The following ADGRB1 variants were observed in gnomAD, a reference collection of about 807,000 sequenced individuals.
ADGRB1 encodes adhesion G protein-coupled receptor B1.
In ADGRB1, 36 loss-of-function variants were observed where a neutral mutation model predicts 175.7. The ratio of observed to expected loss-of-function variants is 0.20; its 90% CI spans 0.16 to 0.27. The LOEUF (loss-of-function observed/expected upper bound fraction) is 0.27, where lower values mean the gene tolerates loss of function less well. ADGRB1 is among the 10% of genes least tolerant of loss of function. The pLI is 1.00. For missense variants in ADGRB1, 1,731 were observed against 2,255.3 expected (o/e 0.77, Z 4.71); for synonymous variants, 1,054 against 979.4 (o/e 1.08, Z -1.42).
intron 4 of ADGRB1, 51 bp downstream of exon 4, chr8:142,476,746 G>T (rs909275560): frequency 2.7e-6 from 4 of 1,463,968 alleles, no homozygotes; most frequent in Non-Finnish European, 3.7e-6. Context: ...GGAAAATACT[G>T]TAAGTTATCA....
At chr8:142,519,651 A>G (rs1309073716) in intron 19 of ADGRB1, among the ~76,000 whole-genome samples, 3 of 114,558 alleles carry the variant, frequency 2.6e-5, no homozygotes, top group African/African-American at 7.2e-5. Context: ...GCTGGTGATT[A>G]TGGTGATGAT....
At chr8:142,476,790 CATG>C in intron 4 of ADGRB1, 95 bp downstream of exon 4, 3 of 1,228,474 alleles carry the variant, frequency 2.4e-6, no homozygotes, top group Non-Finnish European at 3.4e-6. Flanking sequence ...ACTTGAATAA[CATG>C]CCATAACTAG....
chr8:142,484,958 GAC>G (rs1841585965), intron 13 of ADGRB1, among the ~76,000 whole-genome samples, 194 bp downstream of exon 13: 1 of 152,246 alleles, frequency 6.6e-6, no homozygotes, highest in Admixed American at 6.5e-5. Flanking sequence ...GAGGGGATGA[GAC>G]ACAGCCCACG....
intron 1 of ADGRB1, among the ~76,000 whole-genome samples, chr8:142,461,592 G>A (rs1045107695): frequency 5.3e-5 from 8 of 152,226 alleles, no homozygotes; most frequent in Non-Finnish European, 1.0e-4. Flanking sequence ...CCCAGCTCCT[G>A]TGCCTGCTCC....
intron 1 of ADGRB1, among the ~76,000 whole-genome samples, chr8:142,459,073 G>A (rs1475009247): frequency 6.6e-6 from 1 of 152,256 alleles, no homozygotes; most frequent in African/African-American, 2.4e-5. Flanking sequence ...CCTGTCACCT[G>A]TTGCCGGGAT....
At chr8:142,458,001 C>T (rs1214115432) in intron 1 of ADGRB1, among the ~76,000 whole-genome samples, 1 of 152,186 alleles carries the variant, frequency 6.6e-6, no homozygotes. Context: ...GCCCACCCCG[C>T]CCCTCCCCCC....
intron 24 of ADGRB1, 82 bp from the exon 25 acceptor site, chr8:142,533,213 A>G: frequency 7.3e-7 from 1 of 1,362,204 alleles, no homozygotes; most frequent in Non-Finnish European, 9.7e-7. Flanking sequence ...GTCCCCACCG[A>G]GGCCTGGAGA....
intron 2 of ADGRB1, among the ~76,000 whole-genome samples, chr8:142,471,339 T>G (rs1840650745): frequency 6.6e-6 from 1 of 152,192 alleles, no homozygotes; most frequent in Non-Finnish European, 1.5e-5. Context: ...ATCAGGGCAC[T>G]GTATTTTGGT....
Position 142,481,643 on chromosome 8 carries a change from G to A in ADGRB1, c.2062G>A (p.Asp688Asn), listed in dbSNP as rs367757237. The change falls in exon 11 of 31, where the codon GAT becomes AAT. Residue 688 changes from aspartate (D) to asparagine (N), a missense_variant. By Grantham distance (23) the Asp-to-Asn change is conservative (BLOSUM62 1). Coordinates refer to ENST00000517894, the MANE Select transcript of ADGRB1 (RefSeq NM_001702.3). ...SYSGDLLSTIDVLRNMTEIFR... is the reference protein window; with the variant it reads ...SYSGDLLSTINVLRNMTEIFR... ...CAGTGGGGACCTGCTGTCCACCATC[G>A]ATGTCCTGAGGAACATGACAGAGAT... 13 of 1,607,620 alleles carry A rather than the reference G, an allele frequency of 8.1e-6. No homozygotes were observed. Among genetic ancestry groups the A allele is most frequent in the South Asian group, 2.2e-5 (2 of 89,682 alleles).
chr8:142,516,791 G>A (rs1281479092), intron 18 of ADGRB1, among the ~76,000 whole-genome samples: 3 of 152,084 alleles, frequency 2.0e-5, no homozygotes, highest in Non-Finnish European at 2.9e-5. Flanking sequence ...GCACCACCCC[G>A]AGGACAAGTC....
chr8:142,532,577 AGTCT>A (rs753703418), intron 24 of ADGRB1, among the ~76,000 whole-genome samples: 18 of 152,106 alleles, frequency 1.2e-4, no homozygotes, highest in Non-Finnish European at 2.2e-4. Flanking sequence ...GGCGCCTGTC[AGTCT>A]GTCTGTTGCC....
At chr8:142,521,112 C>A (rs1287741322) in intron 20 of ADGRB1, among the ~76,000 whole-genome samples, 187 bp downstream of exon 20, 1 of 152,170 alleles carries the variant, frequency 6.6e-6, no homozygotes, top group African/African-American at 2.4e-5. Flanking sequence ...CTGTCAGGGG[C>A]TGGTCAGCCG....
In ADGRB1 at chr8:142,475,384, G is replaced by C. The variant is rs143479079; in HGVS notation, c.785-90G>C. On this transcript the variant is annotated intron_variant, in intron 2 of 30. Coordinates refer to ENST00000517894, the MANE Select transcript of ADGRB1 (RefSeq NM_001702.3). ...CTGCGGCCCCTCCCCACCCGGGCCG[G>C]CCTCGGCGGGCTTAGCACCCCCATG... 6.0e-5 allele frequency: 73 copies of C among 1,210,056 alleles called. No individual in the cohort carries two copies. The African/African-American group carries it at 1.1e-3, about 18-fold the overall frequency. 75.0% of individuals were successfully genotyped at this position (1,210,056 alleles called of 1,614,324 possible).
intron 2 of ADGRB1, among the ~76,000 whole-genome samples, chr8:142,473,152 G>A (rs1587281698): frequency 6.6e-6 from 1 of 152,186 alleles, no homozygotes; most frequent in African/African-American, 2.4e-5. Context: ...CATGGGAACC[G>A]AGTGGCATCC....
chr8:142,467,184 T>C (rs1840327181), intron 2 of ADGRB1, among the ~76,000 whole-genome samples: 1 of 152,210 alleles, frequency 6.6e-6, no homozygotes, highest in South Asian at 2.1e-4. Flanking sequence ...TGTAAGGTGG[T>C]CGGGCCTCCC....
chr8:142,497,748 T>A (rs2131934556), intron 17 of ADGRB1, among the ~76,000 whole-genome samples: 1 of 152,336 alleles, frequency 6.6e-6, no homozygotes, highest in South Asian at 2.1e-4. Flanking sequence ...TCTCTGAATG[T>A]CCTCTTGGTT....
chr8:142,477,334 C>T (rs937717869), intron 5 of ADGRB1, 51 bp from the exon 6 acceptor site: 2 of 1,590,298 alleles, frequency 1.3e-6, no homozygotes, highest in Non-Finnish European at 1.7e-6. Flanking sequence ...GGGGCCAGGG[C>T]AGCGGGGGCG....
At chr8:142,506,164 C>T (rs775723790) in intron 17 of ADGRB1, among the ~76,000 whole-genome samples, 7 of 152,180 alleles carry the variant, frequency 4.6e-5, no homozygotes, top group East Asian at 1.9e-4. Flanking sequence ...TTTCTTGGCA[C>T]GGAGGTCCTT....
intron 17 of ADGRB1, among the ~76,000 whole-genome samples, chr8:142,497,551 G>A (rs1842281007): frequency 6.6e-6 from 1 of 152,178 alleles, no homozygotes; most frequent in African/African-American, 2.4e-5. Context: ...TTGGTGGCCT[G>A]GGAAGAGCCT....
Sources: allele counts gnomAD v4.1 joint callset (sites outside exome capture counted in the v4.1 genomes callset), GRCh38; gene constraint gnomAD v4.1.1; transcripts MANE v1.5; gene names NCBI Gene and HGNC (gene_info 2026-07-23, HGNC 2026-07-21).